The following SEC61A1 variants were observed in gnomAD, a reference collection of about 807,000 sequenced individuals.
SEC61A1 encodes protein transport protein Sec61 subunit alpha isoform 1.
A neutral mutation model predicts 55.2 loss-of-function variants in SEC61A1; 15 were observed. The observed-to-expected ratio is 0.27, with a 90% confidence interval of 0.18 to 0.42. SEC61A1 has a LOEUF of 0.42. Ranked by LOEUF, SEC61A1 falls within the 10% of genes least tolerant of loss-of-function variation. The pLI, the probability that SEC61A1 is intolerant of heterozygous loss-of-function variation, is 1.00. For missense variants in SEC61A1, 284 were observed against 602.6 expected, an observed-to-expected ratio of 0.47 and a Z score of 5.53; for synonymous variants, 247 against 234.0, an observed-to-expected ratio of 1.06 and a Z score of -0.51.
chr3:128,055,436 A>G lies in SEC61A1; in HGVS notation c.76-80A>G, dbSNP rs538060068. 19 of 1,104,128 alleles carry G rather than the reference A, an allele frequency of 1.7e-5. No individual in the cohort carries two copies. The East Asian group carries it at 4.5e-4, about 26-fold the overall frequency. The allele number at this position is 1,104,128 out of a possible 1,614,324, so 68.4% of individuals were successfully genotyped here. ...CTGGTTGGAGTCCATTTTTAGAGAAAGGGGTCTGATTGGAGTCCATTTTTA... is the reference window on the plus strand; with the variant it reads ...CTGGTTGGAGTCCATTTTTAGAGAAGGGGGTCTGATTGGAGTCCATTTTTA... On this transcript the variant is annotated intron_variant, in intron 2 of 11. Transcript: ENST00000243253.
intron 6 of SEC61A1, 39 bp downstream of exon 6, chr3:128,060,250 C>A: frequency 7.2e-7 from 1 of 1,383,800 alleles, no homozygotes; most frequent in Non-Finnish European, 1.0e-6. Flanking sequence ...AGTAGCCCCT[C>A]ACACTTACCT....
intron 2 of SEC61A1, among the ~76,000 whole-genome samples, chr3:128,054,686 C>T (rs1485245475): frequency 2.0e-5 from 3 of 152,234 alleles, no homozygotes; most frequent in Admixed American, 6.5e-5. Context: ...ATTTCAACCT[C>T]AGAATCTTCC....
chr3:128,055,287 G>A (rs765650874), intron 2 of SEC61A1, among the ~76,000 whole-genome samples: 2 of 152,194 alleles, frequency 1.3e-5, no homozygotes, highest in East Asian at 3.8e-4. Context: ...GCTCTGTGGT[G>A]TGAGGTGAGC....
At chr3:128,052,805 A>G in intron 1 of SEC61A1, 30 bp from the exon 2 acceptor site, 6 of 1,601,250 alleles carry the variant, frequency 3.7e-6, no homozygotes, top group South Asian at 3.3e-5. Flanking sequence ...CTGTGTCCCA[A>G]CTCTTCCTGT....
upstream of SEC61A1, chr3:128,052,003 G>A (rs186639300): frequency 1.4e-3 from 1,313 of 938,588 alleles, 16 homozygotes; most frequent in African/African-American, 0.019. Context: ...TAAGGTCCCT[G>A]CTCCAGGGAG....
In SEC61A1 at chr3:128,058,201, A is replaced by ATTTTTTTTTTTTT. The variant is rs57508280; in HGVS notation, c.352+1374_352+1386dup. ...GGATAATTGAATGAGAAATACGTCT[A>ATTTTTTTTTTTTT]TTTTTTTTTTTTTTTTTTTTTTTTT... On this transcript the variant is annotated intron_variant, in intron 5 of 11. Transcript: ENST00000243253. Among the ~76,000 whole-genome samples the ATTTTTTTTTTTTT allele has an allele frequency of 5.0e-5, 4 of 79,358 alleles. 1 individual carries two copies. The highest frequency in any genetic ancestry group is 6.7e-5 in the Non-Finnish European group (3 of 44,524). 52.1% of individuals were successfully genotyped at this position (79,358 alleles called of 152,430 possible).
chr3:128,052,794 T>C (rs745975986), intron 1 of SEC61A1, 41 bp from the exon 2 acceptor site: 1 of 1,585,896 alleles, frequency 6.3e-7, no homozygotes, highest in South Asian at 1.1e-5. Context: ...AGGTTACTTC[T>C]CTGTGTCCCA....
chr3:128,052,315 C>T (rs563917244), upstream of SEC61A1: 10 of 363,180 alleles, frequency 2.8e-5, no homozygotes, highest in South Asian at 1.0e-3. Context: ...CTCGGCGAAG[C>T]GGCGCGGCGC....
rs1469263176 is a variant in SEC61A1, at chr3:128,064,811, A to G, written c.617-66A>G. On this transcript the variant is annotated intron_variant, in intron 7 of 11. Transcript: ENST00000243253. ...TTTTCCTCTTTTTATTTGTCTGCTA[A>G]GAAGGCTAGAAGCAAATTGAGTTGC... 1.8e-5 allele frequency: 26 copies of G among 1,410,788 alleles called. No homozygotes were observed. The East Asian group carries it at 5.3e-4, about 29-fold the overall frequency. The allele number at this position is 1,410,788 out of a possible 1,614,324, so 87.4% of individuals were successfully genotyped here. A position where few individuals can be genotyped will look rare whatever the true frequency, so the allele number is the denominator to read the frequency against.
intron 2 of SEC61A1, among the ~76,000 whole-genome samples, chr3:128,054,677 T>C (rs1477585989): frequency 2.0e-5 from 3 of 152,262 alleles, no homozygotes; most frequent in Admixed American, 2.0e-4. Context: ...TCACAAGGTA[T>C]TTCAACCTCA....
intron 11 of SEC61A1, among the ~76,000 whole-genome samples, chr3:128,068,425 ACT>A (rs1026045476): frequency 6.6e-6 from 1 of 152,108 alleles, no homozygotes. Flanking sequence ...GAGGAGGGTC[ACT>A]CTGAGCTCAG....
rs1941834956 is a variant in SEC61A1 at position 128,060,423 on chromosome 3, A to G, written c.463-85A>G. Reference sequence around the variant, plus strand: ...TGATCTCATTCCGTCTTCAGCGTTTATATCAGAGAACCCAATTACTGAAGG... The same window carrying G: ...TGATCTCATTCCGTCTTCAGCGTTTGTATCAGAGAACCCAATTACTGAAGG... On this transcript the variant is annotated intron_variant, in intron 6 of 11. Coordinates refer to ENST00000243253, the MANE Select transcript of SEC61A1 (RefSeq NM_013336.4). The G allele has an allele frequency of 2.8e-6, 4 of 1,423,326 alleles. No individual in the cohort carries two copies. In the South Asian group the frequency reaches 5.0e-5, roughly 18 times the overall value. The allele number at this position is 1,423,326 out of a possible 1,614,324, so 88.2% of individuals were successfully genotyped here. A position where few individuals can be genotyped will look rare whatever the true frequency, so the allele number is the denominator to read the frequency against.
rs1942018113 is a variant in SEC61A1 at position 128,067,539 on chromosome 3, TA to T, written c.1095del (p.Ile365MetfsTer30). ...LEDPVHAVVY[I>X]VFMLGSCAFF... ...GACCCGGTCCATGCAGTTGTATACA[TA>T]GTGTTCATGCTGGGCTCCTGTGCAT... On this transcript the variant is annotated frameshift_variant, in exon 10 of 12. Transcript: ENST00000243253. LOFTEE classifies it high-confidence loss of function. This position sits in a 1 kb window ranked among gnomAD's most constrained non-coding sequence, Gnocchi z 4.1. 1.2e-6 allele frequency: 2 copies of T among 1,614,112 alleles called. No homozygotes were observed. Among genetic ancestry groups the T allele is most frequent in the Non-Finnish European group, 1.7e-6 (2 of 1,179,984 alleles).
Position 128,056,838 on chromosome 3 carries a change from A to G in SEC61A1, c.350A>G (p.Lys117Arg), listed in dbSNP as rs1422683525. ...CGAGCTCTCTTCAACGGAGCCCAAA[A>G]GTGTAAGAAAGATTGTGAATAATCT... ...KDRALFNGAQ[K>R]LFGMIITIGQ... Residue 117 changes from lysine (K) to arginine (R), a missense_variant and splice_region_variant, in exon 5 of 12, where the codon AAG becomes AGG. Physicochemically the swap from Lys to Arg is conservative, Grantham distance 26. Coordinates refer to ENST00000243253, the MANE Select transcript of SEC61A1 (RefSeq NM_013336.4). 5.1e-6 allele frequency: 8 copies of G among 1,573,770 alleles called. No individual in the cohort carries two copies. The Admixed American group carries it at 1.5e-4, about 29-fold the overall frequency.
At chr3:128,065,927 A>G (rs972522538) in intron 8 of SEC61A1, among the ~76,000 whole-genome samples, 1 of 151,444 alleles carries the variant, frequency 6.6e-6, no homozygotes, top group African/African-American at 2.4e-5. Flanking sequence ...TATTTTTAGT[A>G]TAGACAGGGT....
intron 2 of SEC61A1, among the ~76,000 whole-genome samples, chr3:128,053,348 C>G (rs1475636917): frequency 6.6e-6 from 1 of 152,100 alleles, no homozygotes. Context: ...TGATTTTGTA[C>G]CTTTTATGTA....
chr3:128,065,458 C>A (rs983341278), intron 8 of SEC61A1, among the ~76,000 whole-genome samples: 17 of 152,254 alleles, frequency 1.1e-4, no homozygotes, highest in African/African-American at 4.1e-4. Flanking sequence ...TAAAAGTATT[C>A]CATCTCTTAA....
intron 7 of SEC61A1, among the ~76,000 whole-genome samples, chr3:128,061,749 A>G (rs1344972992): frequency 1.3e-5 from 2 of 152,360 alleles, no homozygotes; most frequent in Non-Finnish European, 2.9e-5. Flanking sequence ...AAAGTTTGAC[A>G]GGATGTGAAA....
chr3:128,069,469 C>T lies in SEC61A1; in HGVS notation c.1245-7C>T, dbSNP rs1309066628. On this transcript the variant is annotated splice_polypyrimidine_tract_variant and splice_region_variant and intron_variant, in intron 11 of 11. Transcript: ENST00000243253. ...TGTCCAGGAGCTGACTGTGTCCCCT[C>T]CCCCAGGTACATCCCCACAGCCGCG... The T allele has an allele frequency of 1.9e-6, 3 of 1,608,570 alleles. No individual in the cohort carries two copies. The highest frequency in any genetic ancestry group is 4.5e-5 in the East Asian group (2 of 44,872).
Sources: gnomAD v4.1 joint callset for allele counts (sites outside exome capture counted in the v4.1 genomes callset) on GRCh38, gnomAD v4.1.1 for gene constraint, Gnocchi (gnomAD v3.1) non-coding constraint, MANE v1.5 for transcripts, NCBI Gene and HGNC (gene_info 2026-07-23, HGNC 2026-07-21) for gene names.